Variants in UNC5D observed in about 807,000 individuals in gnomAD.
The protein encoded by UNC5D is netrin receptor UNC5D.
In UNC5D, 39 loss-of-function variants were observed where a neutral mutation model predicts 105.4. The observed-to-expected ratio is 0.37, with a 90% CI of 0.29 to 0.48. The LOEUF is 0.48. Ranked by LOEUF, UNC5D falls within the 20% of genes least tolerant of loss-of-function variation. The pLI is 0.98. For missense variants in UNC5D, 991 were observed against 1,202.4 expected (o/e 0.82, Z 2.60); for synonymous variants, 452 against 450.4 (o/e 1.00, Z -0.04).
At chr8:35,608,371 T>C (rs1820450311) in intron 4 of UNC5D, among the ~76,000 whole-genome samples, 1 of 152,200 alleles carries the variant, frequency 6.6e-6, no homozygotes, top group South Asian at 2.1e-4. Context: ...GTATTTCAGC[T>C]ACATTAAGGG....
rs577605911 is a variant in UNC5D, at chr8:35,546,087, G to A, written c.104-3205G>A. Among the ~76,000 whole-genome samples, 37 of 152,172 alleles carry A rather than the reference G, an allele frequency of 2.4e-4. No individual in the cohort carries two copies. The South Asian group carries it at 6.9e-3, about 28-fold the overall frequency. ...TTTTTAAATTTTTTTGCAGAGAAGAGGGTCTCACTGTGTTGTCCAAGCTGT... is the reference window on the plus strand; with the variant it reads ...TTTTTAAATTTTTTTGCAGAGAAGAAGGTCTCACTGTGTTGTCCAAGCTGT... On this transcript the variant is annotated intron_variant, in intron 1 of 16. Coordinates refer to ENST00000404895, the MANE Select transcript of UNC5D (RefSeq NM_080872.4).
rs566302529 is a variant in UNC5D, at chr8:35,730,948, G to A, written c.1682-64G>A. ...TTTTCCAGGTATCTGTAAGGTGCTC[G>A]AGTGACAAACTTCATGATAATTGGA... On this transcript the variant is annotated intron_variant, in intron 10 of 16. Transcript: ENST00000404895. The A allele has an allele frequency of 4.7e-5, 69 of 1,479,874 alleles. 1 individual carries two copies. In the Middle Eastern group the frequency reaches 1.4e-3, roughly 30 times the overall value. 91.7% of individuals were successfully genotyped at this position (1,479,874 alleles called of 1,614,324 possible).
At chr8:35,376,925 C>T (rs1360232107) in intron 1 of UNC5D, among the ~76,000 whole-genome samples, 1 of 152,166 alleles carries the variant, frequency 6.6e-6, no homozygotes, top group East Asian at 1.9e-4. Context: ...ATAAAAGCAT[C>T]CTTGAGCCCC....
intron 1 of UNC5D, among the ~76,000 whole-genome samples, chr8:35,505,487 G>A (rs1042579883): frequency 1.3e-5 from 2 of 152,214 alleles, no homozygotes; most frequent in African/African-American, 4.8e-5. Context: ...TCAGATGTGA[G>A]TGGAATTAAT....
intron 10 of UNC5D, among the ~76,000 whole-genome samples, chr8:35,730,189 TC>T (rs1829108021): frequency 6.6e-6 from 1 of 152,218 alleles, no homozygotes; most frequent in Non-Finnish European, 1.5e-5. Flanking sequence ...TTAAAGAGAA[TC>T]CCTGCCCTCC....
chr8:35,294,451 A>G (rs1183296182), intron 1 of UNC5D, among the ~76,000 whole-genome samples: 1 of 152,114 alleles, frequency 6.6e-6, no homozygotes, highest in Non-Finnish European at 1.5e-5. Flanking sequence ...AAGACAAATC[A>G]CTTTCTAAAA....
intron 1 of UNC5D, among the ~76,000 whole-genome samples, chr8:35,467,635 C>T (rs1216587556): frequency 6.7e-6 from 1 of 149,438 alleles, no homozygotes; most frequent in Non-Finnish European, 1.5e-5. Context: ...CAATAACTGT[C>T]TCCAAATATT....
chr8:35,729,562 C>G (rs1311366252), intron 10 of UNC5D, among the ~76,000 whole-genome samples: 1 of 152,164 alleles, frequency 6.6e-6, no homozygotes, highest in African/African-American at 2.4e-5. Flanking sequence ...AGTTTTAGGT[C>G]AAACTAAGAG....
At chr8:35,672,973 G>A (rs1199761586) in intron 4 of UNC5D, among the ~76,000 whole-genome samples, 1 of 152,132 alleles carries the variant, frequency 6.6e-6, no homozygotes, top group Non-Finnish European at 1.5e-5. Flanking sequence ...TTCTGCAGAG[G>A]GACGGATGTC....
At chr8:35,294,433 C>T (rs911966383) in intron 1 of UNC5D, among the ~76,000 whole-genome samples, 3 of 152,140 alleles carry the variant, frequency 2.0e-5, no homozygotes, top group African/African-American at 7.2e-5. Flanking sequence ...GTCATCTTGA[C>T]ATTTTTAAAG....
chr8:35,325,910 C>T (rs1257920838), intron 1 of UNC5D, among the ~76,000 whole-genome samples: 1 of 152,140 alleles, frequency 6.6e-6, no homozygotes, highest in African/African-American at 2.4e-5. Context: ...ATGATTGAGG[C>T]TGGGTATTAT....
chr8:35,750,476 G>GA (rs111565377), intron 12 of UNC5D, 106 bp from the exon 13 acceptor site: 29,397 of 1,233,800 alleles, frequency 0.024, 2,034 homozygotes, highest in African/African-American at 0.23. Context: ...GGACTATTCT[G>GA]AAAACAAATT....
chr8:35,634,938 G>A (rs1822265188), intron 4 of UNC5D, among the ~76,000 whole-genome samples: 1 of 151,798 alleles, frequency 6.6e-6, no homozygotes, highest in South Asian at 2.1e-4. Flanking sequence ...GCTAAATTTT[G>A]TATTTTTAGC....
chr8:35,628,726 A>G (rs1413159403), intron 4 of UNC5D, among the ~76,000 whole-genome samples: 1 of 152,178 alleles, frequency 6.6e-6, no homozygotes, highest in Non-Finnish European at 1.5e-5. Context: ...TGAAGGGTAA[A>G]AAGAAAAGCT....
At chr8:35,697,739 A>C (rs1384518159) in intron 7 of UNC5D, among the ~76,000 whole-genome samples, 1 of 152,184 alleles carries the variant, frequency 6.6e-6, no homozygotes, top group African/African-American at 2.4e-5. Context: ...TACTGGAAAT[A>C]GGTAAACAAG....
chr8:35,416,005 C>T (rs979578300), intron 1 of UNC5D, among the ~76,000 whole-genome samples: 13 of 152,002 alleles, frequency 8.6e-5, no homozygotes, highest in East Asian at 1.9e-4. Context: ...TTAACACTTA[C>T]GTGATGCAAC....
chr8:35,383,165 T>G (rs763720713), intron 1 of UNC5D, among the ~76,000 whole-genome samples: 1 of 152,192 alleles, frequency 6.6e-6, no homozygotes, highest in Non-Finnish European at 1.5e-5. Context: ...GGAAACTTCA[T>G]CACAATGACA....
intron 1 of UNC5D, among the ~76,000 whole-genome samples, chr8:35,457,547 A>G (rs767094700): frequency 1.3e-5 from 2 of 152,190 alleles, no homozygotes; most frequent in Non-Finnish European, 2.9e-5. Flanking sequence ...TTACCTTGTC[A>G]TGAATCATTC....
At chr8:35,480,058 G>A (rs1810377183) in intron 1 of UNC5D, among the ~76,000 whole-genome samples, 1 of 152,174 alleles carries the variant, frequency 6.6e-6, no homozygotes, top group Admixed American at 6.5e-5. Flanking sequence ...TGAGTTATCA[G>A]TGAAGTGTCA....
Sources: allele counts gnomAD v4.1 joint callset (sites outside exome capture counted in the v4.1 genomes callset), GRCh38; gene constraint gnomAD v4.1.1; transcripts MANE v1.5; gene names NCBI Gene and HGNC (gene_info 2026-07-23, HGNC 2026-07-21).